NR3C2: variants seen among roughly 807,000 people sequenced by gnomAD.
NR3C2 encodes nuclear receptor subfamily 3 group C member 2.
A neutral mutation model predicts 86.4 loss-of-function variants in NR3C2; 15 were observed. The observed-to-expected ratio is 0.17, with a 90% confidence interval of 0.12 to 0.27. The LOEUF is 0.27. NR3C2 is among the 10% of genes least tolerant of loss of function. The pLI, the probability that NR3C2 is intolerant of heterozygous loss-of-function variation, is 1.00. For synonymous variants in NR3C2, 458 were observed against 450.5 expected, an observed-to-expected ratio of 1.02 and a Z score of -0.21; for missense variants, 960 against 1,195.6, an observed-to-expected ratio of 0.80 and a Z score of 2.91.
At chr4:148,246,172 A>G (rs1180193410) in intron 3 of NR3C2, among the ~76,000 whole-genome samples, 3 of 152,198 alleles carry the variant, frequency 2.0e-5, no homozygotes, top group Non-Finnish European at 2.9e-5. Flanking sequence ...CCATTTTTAA[A>G]AAGACTGGTC....
At chr4:148,389,037 A>G (rs1202224592) in intron 2 of NR3C2, among the ~76,000 whole-genome samples, 1 of 152,228 alleles carries the variant, frequency 6.6e-6, no homozygotes, top group African/African-American at 2.4e-5. Context: ...GTAAAGACAC[A>G]TGTTATACCT....
intron 6 of NR3C2, among the ~76,000 whole-genome samples, chr4:148,129,313 T>C (rs1206082505): frequency 6.6e-6 from 1 of 152,162 alleles, no homozygotes; most frequent in Non-Finnish European, 1.5e-5. Flanking sequence ...CTATCTAAAG[T>C]AGTCACACTC....
chr4:148,314,772 C>T (rs72655289), intron 2 of NR3C2, among the ~76,000 whole-genome samples: 44 of 151,956 alleles, frequency 2.9e-4, no homozygotes, highest in African/African-American at 1.0e-3. Flanking sequence ...TCCATTACAC[C>T]TCATTTATCA....
chr4:148,146,615 G>C (rs1217636500), intron 6 of NR3C2: 1 of 152,240 alleles, frequency 6.6e-6, no homozygotes, highest in Non-Finnish European at 1.5e-5. Context: ...TCGTCTAATG[G>C]AGCTGCCCTC....
intron 8 of NR3C2, among the ~76,000 whole-genome samples, chr4:148,082,335 G>A (rs1416639317): frequency 6.6e-6 from 1 of 152,172 alleles, no homozygotes; most frequent in Admixed American, 6.5e-5. Flanking sequence ...GCACAAGGTG[G>A]GTGATTGCTG....
chr4:148,203,664 G>A (rs1432836105), intron 3 of NR3C2, among the ~76,000 whole-genome samples: 4 of 50,844 alleles, frequency 7.9e-5, no homozygotes, highest in African/African-American at 8.2e-5. Flanking sequence ...CCCCCGCCCC[G>A]CCCCCGTTCT....
chr4:148,273,516 T>A (rs1398536947), intron 2 of NR3C2, among the ~76,000 whole-genome samples: 1 of 152,196 alleles, frequency 6.6e-6, no homozygotes, highest in Non-Finnish European at 1.5e-5. Flanking sequence ...TCAGATGGCA[T>A]GTTGGGTTTT....
intron 2 of NR3C2, among the ~76,000 whole-genome samples, chr4:148,333,094 C>G (rs1744308493): frequency 6.6e-6 from 1 of 151,768 alleles, no homozygotes; most frequent in Admixed American, 6.6e-5. Flanking sequence ...GGAAAAACCC[C>G]CTTTCTACTA....
chr4:148,276,534 C>T (rs1282360434), intron 2 of NR3C2, among the ~76,000 whole-genome samples: 2 of 151,932 alleles, frequency 1.3e-5, no homozygotes, highest in Non-Finnish European at 2.9e-5. Context: ...AAGAGATTTC[C>T]TCTTTCTAAT....
intron 6 of NR3C2, among the ~76,000 whole-genome samples, chr4:148,129,962 A>G (rs1457643749): frequency 2.0e-5 from 3 of 152,200 alleles, no homozygotes; most frequent in African/African-American, 7.2e-5. Context: ...GTTAGCATTC[A>G]GGTGATTCAT....
At chr4:148,350,174 G>A (rs1745202258) in intron 2 of NR3C2, among the ~76,000 whole-genome samples, 1 of 152,196 alleles carries the variant, frequency 6.6e-6, no homozygotes. Context: ...TATTGAGGTT[G>A]AGAAAGATTA....
intron 4 of NR3C2, 37 bp from the exon 5 acceptor site, chr4:148,154,938 T>C (rs1004152474): frequency 6.6e-7 from 1 of 1,508,586 alleles, no homozygotes; most frequent in African/African-American, 1.4e-5. Context: ...CAAATTAAAA[T>C]TATGTTTGAA....
intron 3 of NR3C2, among the ~76,000 whole-genome samples, chr4:148,251,052 C>A (rs1173672079): frequency 2.0e-5 from 3 of 152,030 alleles, no homozygotes; most frequent in Non-Finnish European, 4.4e-5. Flanking sequence ...CAGGTTCAAG[C>A]AATCCTCCTG....
At position 148,263,086 on chromosome 4, in the gene NR3C2, C is replaced by A. The variant is rs565082529; in HGVS notation, c.1758-2969G>T. Among the ~76,000 whole-genome samples, 11 of 152,196 alleles carry A rather than the reference C, an allele frequency of 7.2e-5. 1 individual carries two copies. The East Asian group carries it at 2.1e-3, about 29-fold the overall frequency. Reference sequence around the variant, plus strand: ...CAGAATGACCCTTATGCATTCATTCCTTTTCTTTTATTTCTATACTCTATC... The same window carrying A: ...CAGAATGACCCTTATGCATTCATTCATTTTCTTTTATTTCTATACTCTATC... On this transcript the variant is annotated intron_variant, in intron 2 of 8. Coordinates refer to ENST00000358102, the MANE Select transcript of NR3C2 (RefSeq NM_000901.5).
At chr4:148,395,944 T>C (rs1747838739) in intron 2 of NR3C2, among the ~76,000 whole-genome samples, 2 of 152,234 alleles carry the variant, frequency 1.3e-5, no homozygotes, top group Non-Finnish European at 2.9e-5. Flanking sequence ...TACAGGCAGC[T>C]AGAGGTGGAA....
intron 2 of NR3C2, among the ~76,000 whole-genome samples, chr4:148,285,312 C>T (rs944636389): frequency 4.6e-5 from 7 of 152,178 alleles, no homozygotes; most frequent in South Asian, 2.1e-4. Flanking sequence ...CTTTCCCAAA[C>T]GATGTTGCTG....
Position 148,081,152 on chromosome 4 carries a change from T to C in NR3C2, c.*192A>G, listed in dbSNP as rs1290688195. On this transcript the variant is annotated 3_prime_UTR_variant, in exon 9 of 9. Transcript: ENST00000358102. ...ATTGGAGGTGGGGAATCCTTCAGAC[T>C]GCTCTGGTCTCGCCAAATCCACGGA... The C allele has an allele frequency of 1.4e-6, 1 of 692,034 alleles. No individual in the cohort carries two copies. The highest frequency in any genetic ancestry group is 2.5e-6 in the Non-Finnish European group (1 of 395,480). 42.9% of individuals were successfully genotyped at this position (692,034 alleles called of 1,614,324 possible).
rs573701089 is a variant in NR3C2, at chr4:148,082,014, C to T, written c.2800-515G>A. ...TAACTGGGCCCGCCAATGGAGCTGC[C>T]GCCAAGGGGCCAGCTGGCACTTCCA... On this transcript the variant is annotated intron_variant, in intron 8 of 8. Transcript: ENST00000358102. Among the ~76,000 whole-genome samples, 412 of 152,308 alleles carry T rather than the reference C, an allele frequency of 2.7e-3. 2 individuals carry two copies. The highest frequency in any genetic ancestry group is 4.3e-3 in the Non-Finnish European group (290 of 68,024).
At chr4:148,160,686 G>A (rs954928983) in intron 4 of NR3C2, among the ~76,000 whole-genome samples, 1 of 152,178 alleles carries the variant, frequency 6.6e-6, no homozygotes, top group African/African-American at 2.4e-5. Flanking sequence ...GTAAACATTA[G>A]AGAGGTTATA....
Sources: allele counts gnomAD v4.1 joint callset (sites outside exome capture counted in the v4.1 genomes callset), GRCh38; gene constraint gnomAD v4.1.1; transcripts MANE v1.5; gene names NCBI Gene and HGNC (gene_info 2026-07-23, HGNC 2026-07-21).